The following CSMD3 variants were observed in gnomAD, a reference collection of about 807,000 sequenced individuals.
The protein encoded by CSMD3 is CUB and sushi domain-containing protein 3.
A neutral mutation model predicts 435.2 loss-of-function variants in CSMD3; 177 were observed. The ratio of observed to expected loss-of-function variants is 0.41; its 90% CI spans 0.36 to 0.46. CSMD3 has a LOEUF of 0.46. Among genes scored for constraint, CSMD3 ranks in the 20% least tolerant of loss-of-function variants. The pLI is 0.34. For missense variants in CSMD3, 4,265 were observed against 4,504.6 expected, an observed-to-expected ratio of 0.95 and a Z score of 1.52; for synonymous variants, 1,656 against 1,520.5, an observed-to-expected ratio of 1.09 and a Z score of -2.07.
chr8:113,313,162 T>C (rs2093883230), intron 2 of CSMD3: 1 of 152,118 alleles, frequency 6.6e-6, no homozygotes, highest in Non-Finnish European at 1.5e-5. Context: ...CTTACTACCA[T>C]CTCTCAGTTT....
chr8:112,574,409 T>C (rs1829778769), intron 23 of CSMD3, among the ~76,000 whole-genome samples: 1 of 152,106 alleles, frequency 6.6e-6, no homozygotes, highest in East Asian at 1.9e-4. Flanking sequence ...CCACTACAAG[T>C]AATGCTGATA....
intron 22 of CSMD3, among the ~76,000 whole-genome samples, chr8:112,610,468 A>T (rs190392422): frequency 2.3e-3 from 351 of 152,194 alleles, no homozygotes; most frequent in African/African-American, 8.0e-3. Context: ...CCACTATCAC[A>T]TTTCAAATGG....
intron 35 of CSMD3, among the ~76,000 whole-genome samples, chr8:112,396,392 T>C (rs1830864496): frequency 6.6e-6 from 1 of 152,292 alleles, no homozygotes; most frequent in Admixed American, 6.5e-5. Context: ...GAGAATTTGC[T>C]CTCTCTCAGA....
chr8:112,776,264 T>C (rs2078243920), intron 13 of CSMD3, among the ~76,000 whole-genome samples: 2 of 151,824 alleles, frequency 1.3e-5, no homozygotes, highest in South Asian at 2.1e-4. Context: ...TCTTACCCAA[T>C]GTTGCTTTTT....
intron 30 of CSMD3, among the ~76,000 whole-genome samples, chr8:112,498,331 A>T (rs1821584450): frequency 1.3e-5 from 2 of 152,130 alleles, no homozygotes; most frequent in South Asian, 4.1e-4. Context: ...TTTTTAAAAA[A>T]TTACATTTGT....
At chr8:112,453,447 G>T (rs1816506001) in intron 32 of CSMD3, among the ~76,000 whole-genome samples, 1 of 151,988 alleles carries the variant, frequency 6.6e-6, no homozygotes, top group African/African-American at 2.4e-5. Flanking sequence ...ACAAAAATCT[G>T]TAGCATTCCT....
intron 2 of CSMD3, among the ~76,000 whole-genome samples, chr8:113,298,798 C>G (rs1396423579): frequency 1.3e-5 from 2 of 151,896 alleles, no homozygotes; most frequent in Non-Finnish European, 2.9e-5. Flanking sequence ...AGATGAGGGT[C>G]ACAGAAAGGA....
intron 1 of CSMD3, among the ~76,000 whole-genome samples, chr8:113,318,786 A>ATATGTGTGTGTGTGTG (rs71566042): frequency 2.1e-5 from 3 of 140,066 alleles, no homozygotes; most frequent in African/African-American, 8.0e-5. Flanking sequence ...GCTGAATAAG[A>ATATGTGTGTGTGTGTG]TGTGTGTGTG....
intron 1 of CSMD3, among the ~76,000 whole-genome samples, chr8:113,340,926 A>T (rs1449701856): frequency 6.6e-6 from 1 of 151,492 alleles, no homozygotes; most frequent in Non-Finnish European, 1.5e-5. Flanking sequence ...GTAGAAATTG[A>T]CCTGTATTGC....
chr8:113,042,627 CTT>C (rs1383325312), intron 5 of CSMD3, among the ~76,000 whole-genome samples: 1 of 151,992 alleles, frequency 6.6e-6, no homozygotes, highest in Non-Finnish European at 1.5e-5. Flanking sequence ...ATTTATGTGT[CTT>C]TTCCTTTCAA....
At chr8:113,001,464 A>C (rs1425057368) in intron 6 of CSMD3, among the ~76,000 whole-genome samples, 2 of 151,976 alleles carry the variant, frequency 1.3e-5, no homozygotes, top group African/African-American at 4.8e-5. Flanking sequence ...CACTGCCTCA[A>C]CTCTAATCTT....
rs556577832 is a variant in CSMD3, at chr8:112,314,021, G to A, written c.7581C>T (p.Ser2527=). The change falls in exon 49 of 71, where the codon TCC becomes TCT. Residue 2527 remains serine, a synonymous_variant. Coordinates refer to ENST00000297405, the MANE Select transcript of CSMD3 (RefSeq NM_198123.2). Reference sequence around the variant, plus strand: ...AAGCAGATGAATAATCCCCACTGAGGGAAATAAGCACTGGACTTTGAATAT... The same window carrying A: ...AAGCAGATGAATAATCCCCACTGAGAGAAATAAGCACTGGACTTTGAATAT... The part of the protein sequence containing the change: ...GPNIQSPVLI[S]LSGDYSSAFN... 6.2e-7 allele frequency: 1 copy of A among 1,610,126 alleles called. No homozygotes were observed. Among genetic ancestry groups the A allele is most frequent in the Admixed American group, 1.7e-5 (1 of 59,960 alleles).
At chr8:112,735,228 A>T (rs559529662) in intron 13 of CSMD3, among the ~76,000 whole-genome samples, 30 of 152,174 alleles carry the variant, frequency 2.0e-4, no homozygotes, top group African/African-American at 6.0e-4. Flanking sequence ...GAAGTTGGTT[A>T]TTTAATGACT....
chr8:112,928,052 A>G (rs185961780), intron 9 of CSMD3, among the ~76,000 whole-genome samples: 23 of 152,120 alleles, frequency 1.5e-4, no homozygotes, highest in Non-Finnish European at 2.6e-4. Flanking sequence ...TCCAATACTC[A>G]GCTTCAGATA....
At chr8:112,964,207 A>C (rs2084334301) in intron 7 of CSMD3, among the ~76,000 whole-genome samples, 1 of 151,966 alleles carries the variant, frequency 6.6e-6, no homozygotes, top group Admixed American at 6.6e-5. Context: ...ATTTGACTCT[A>C]AAACTTCAAT....
chr8:112,558,382 G>A (rs146327819), intron 24 of CSMD3, among the ~76,000 whole-genome samples: 1 of 151,850 alleles, frequency 6.6e-6, no homozygotes, highest in Non-Finnish European at 1.5e-5. Context: ...GAACAAACAG[G>A]CTTGCTGGGT....
At chr8:112,392,724 T>C (rs1277580032) in intron 35 of CSMD3, among the ~76,000 whole-genome samples, 2 of 152,056 alleles carry the variant, frequency 1.3e-5, no homozygotes, top group Non-Finnish European at 2.9e-5. Flanking sequence ...GCTGGTATGT[T>C]TTCCATGCAC....
intron 3 of CSMD3, among the ~76,000 whole-genome samples, chr8:113,265,243 G>C (rs2093459921): frequency 6.6e-6 from 1 of 151,414 alleles, no homozygotes; most frequent in Admixed American, 6.6e-5. Context: ...ATAATGTCTG[G>C]AAAGATAAGT....
intron 32 of CSMD3, among the ~76,000 whole-genome samples, chr8:112,465,361 A>T (rs1817849903): frequency 1.3e-5 from 2 of 152,128 alleles, no homozygotes; most frequent in Admixed American, 1.3e-4. Context: ...TGCCTGTTTT[A>T]ACAGCCTCTC....
Sources: allele counts gnomAD v4.1 joint callset (sites outside exome capture counted in the v4.1 genomes callset), GRCh38; gene constraint gnomAD v4.1.1; transcripts MANE v1.5; gene names NCBI Gene and HGNC (gene_info 2026-07-23, HGNC 2026-07-21).